MYT1L: variants seen among roughly 807,000 people sequenced by gnomAD.
MYT1L encodes the protein myelin transcription factor 1-like protein.
A neutral mutation model predicts 126.7 loss-of-function variants in MYT1L; 12 were observed. That is an observed-to-expected ratio of 0.09 (90% CI 0.06 to 0.15). The LOEUF is 0.15. Among genes scored for constraint, MYT1L ranks in the 10% least tolerant of loss-of-function variants. The probability of loss-of-function intolerance (pLI) is 1.00; values close to 1 mark genes in which losing one functional copy is unlikely to be tolerated. For synonymous variants in MYT1L, 541 were observed against 604.2 expected (o/e 0.90, Z 1.53); for missense variants, 979 against 1,585.2 (o/e 0.62, Z 6.49).
chr2:2,143,146 C>T (rs367993325), intron 3 of MYT1L, among the ~76,000 whole-genome samples: 36 of 151,358 alleles, frequency 2.4e-4, no homozygotes, highest in Non-Finnish European at 4.7e-4. Flanking sequence ...AAAAATTAGC[C>T]GGGCGCAGTG....
At chr2:2,168,720 C>T (rs939686632) in intron 3 of MYT1L, among the ~76,000 whole-genome samples, 5 of 152,042 alleles carry the variant, frequency 3.3e-5, no homozygotes, top group Non-Finnish European at 5.9e-5. Context: ...CAGCCCTGAG[C>T]GTGTTTTACT....
chr2:1,921,871 C>A (rs988012176), intron 10 of MYT1L, among the ~76,000 whole-genome samples: 1 of 152,140 alleles, frequency 6.6e-6, no homozygotes, highest in African/African-American at 2.4e-5. Flanking sequence ...TTTCCCCAAT[C>A]CAATTTATAA....
At chr2:1,891,745 T>C (rs2048909373) in intron 15 of MYT1L, among the ~76,000 whole-genome samples, 1 of 152,188 alleles carries the variant, frequency 6.6e-6, no homozygotes, top group Non-Finnish European at 1.5e-5. Context: ...GTGGTGTCCT[T>C]TGTTTACAGA....
chr2:2,271,317 C>A (rs1472824091), intron 2 of MYT1L, among the ~76,000 whole-genome samples: 1 of 152,320 alleles, frequency 6.6e-6, no homozygotes. Context: ...GGAGCTCTCT[C>A]ATTTTGTTTA....
rs142146140 is a variant in MYT1L at position 2,048,581 on chromosome 2, C to T, written c.-158+5397G>A. ...GTCCATGCGCTGACTCCACTAACTA[C>T]AGCAGGACTCTCAGCAAAGCAAAGA... On this transcript the variant is annotated intron_variant, in intron 4 of 24. Transcript: ENST00000647738. Among the ~76,000 whole-genome samples, 7 of 152,296 alleles carry T rather than the reference C, an allele frequency of 4.6e-5. No homozygotes were observed. The East Asian group carries it at 1.2e-3, about 25-fold the overall frequency.
intron 8 of MYT1L, among the ~76,000 whole-genome samples, chr2:1,949,154 T>C (rs1412388948): frequency 6.6e-6 from 1 of 152,200 alleles, no homozygotes; most frequent in Admixed American, 6.5e-5. Context: ...GCAGGGAAGC[T>C]AGCAGTGGCC....
intron 3 of MYT1L, among the ~76,000 whole-genome samples, chr2:2,127,331 G>T (rs1328005974): frequency 6.6e-6 from 1 of 152,184 alleles, no homozygotes; most frequent in Non-Finnish European, 1.5e-5. Context: ...CTCACAACTA[G>T]CCAAAGAGCC....
intron 3 of MYT1L, among the ~76,000 whole-genome samples, chr2:2,135,514 G>A (rs535538996): frequency 4.6e-5 from 7 of 152,324 alleles, no homozygotes; most frequent in Admixed American, 2.0e-4. Flanking sequence ...TTTCTTACCT[G>A]AGCAGGGCAA....
intron 8 of MYT1L, among the ~76,000 whole-genome samples, chr2:1,966,984 C>A (rs757121548): frequency 1.3e-5 from 2 of 152,112 alleles, no homozygotes; most frequent in Non-Finnish European, 2.9e-5. Flanking sequence ...TGGGAAGCAA[C>A]GACCACCAGT....
chr2:1,847,467 G>A (rs969173216), intron 19 of MYT1L, among the ~76,000 whole-genome samples: 7 of 152,112 alleles, frequency 4.6e-5, no homozygotes, highest in Non-Finnish European at 8.8e-5. Context: ...TATGAAAAAC[G>A]CATGTGGGAC....
At chr2:2,275,107 G>T (rs2095332691) in intron 2 of MYT1L, among the ~76,000 whole-genome samples, 1 of 152,038 alleles carries the variant, frequency 6.6e-6, no homozygotes, top group Non-Finnish European at 1.5e-5. Flanking sequence ...CTGGTGGTTG[G>T]ATGTCACCTT....
rs1664752145 is a variant in MYT1L, at chr2:1,910,588, G to A, written c.1710-241C>T. On this transcript the variant is annotated intron_variant, in intron 12 of 24. Transcript: ENST00000647738. The surrounding 1 kb of genome is among the most constrained non-coding windows in gnomAD (Gnocchi z 4.8). Reference sequence around the variant, plus strand: ...CTGGCGGCAGTGCTATGTGTGAGGTGTATTCAATCCTTCCCAATGAGAGCA... The same window carrying A: ...CTGGCGGCAGTGCTATGTGTGAGGTATATTCAATCCTTCCCAATGAGAGCA... 6.6e-6 allele frequency among the ~76,000 whole-genome samples: 1 copy of A among 152,162 alleles called. No homozygotes were observed. Among genetic ancestry groups the A allele is most frequent in the South Asian group, 2.1e-4 (1 of 4,826 alleles).
At chr2:2,303,472 A>G (rs961750921) in intron 1 of MYT1L, 1 of 152,388 alleles carries the variant, frequency 6.6e-6, no homozygotes, top group Non-Finnish European at 1.5e-5. Context: ...TAGTCAAAAC[A>G]TCTTAAAATC....
At position 2,144,036 on chromosome 2, in the gene MYT1L, C is replaced by CA. The variant is rs1388126168; in HGVS notation, c.-304+28835dup. Among the ~76,000 whole-genome samples the CA allele has an allele frequency of 4.6e-5, 7 of 152,174 alleles. No individual in the cohort carries two copies. The East Asian group carries it at 1.2e-3, about 25-fold the overall frequency. ...CTCAGTACCTGGATCAACCGTACCC[C>CA]AAACCTCAGCATCATACAATACACC... On this transcript the variant is annotated intron_variant, in intron 3 of 24. Coordinates refer to ENST00000647738, the MANE Select transcript of MYT1L (RefSeq NM_001303052.2).
intron 3 of MYT1L, among the ~76,000 whole-genome samples, chr2:2,141,475 G>A (rs2083969558): frequency 6.6e-6 from 1 of 152,146 alleles, no homozygotes; most frequent in African/African-American, 2.4e-5. Flanking sequence ...TATCCCGTGA[G>A]ATAATGAATT....
intron 3 of MYT1L, among the ~76,000 whole-genome samples, chr2:2,165,490 C>T (rs993178523): frequency 6.6e-6 from 1 of 152,022 alleles, no homozygotes; most frequent in East Asian, 1.9e-4. Context: ...ATCACCAATG[C>T]GTAATTTCAA....
intron 10 of MYT1L, among the ~76,000 whole-genome samples, chr2:1,921,965 A>G (rs1036242433): frequency 6.6e-6 from 1 of 152,226 alleles, no homozygotes; most frequent in African/African-American, 2.4e-5. Flanking sequence ...ATAATAGCAC[A>G]GGCTTACCCT....
intron 2 of MYT1L, among the ~76,000 whole-genome samples, chr2:2,177,671 G>C (rs1344351917): frequency 6.6e-6 from 1 of 152,198 alleles, no homozygotes; most frequent in Non-Finnish European, 1.5e-5. Context: ...AGGTGAAAGA[G>C]AGAATTTGAG....
chr2:1,904,778 G>A (rs928458865), intron 13 of MYT1L, among the ~76,000 whole-genome samples: 1 of 149,748 alleles, frequency 6.7e-6, no homozygotes, highest in East Asian at 2.0e-4. Flanking sequence ...ATTACATCAC[G>A]AACCACCACG....
Sources: allele counts gnomAD v4.1 joint callset (sites outside exome capture counted in the v4.1 genomes callset), GRCh38; gene constraint gnomAD v4.1.1; non-coding constraint Gnocchi (gnomAD v3.1); transcripts MANE v1.5; gene names NCBI Gene and HGNC (gene_info 2026-07-23, HGNC 2026-07-21).